ZMYM2: variants seen among roughly 807,000 people sequenced by gnomAD.
The protein encoded by ZMYM2 is zinc finger MYM-type protein 2.
A neutral mutation model predicts 162.8 loss-of-function variants in ZMYM2; 56 were observed. That is an observed-to-expected ratio of 0.34 (90% CI 0.28 to 0.43). The LOEUF is 0.43. ZMYM2 is among the 20% of genes least tolerant of loss of function. The pLI is 1.00. For synonymous variants in ZMYM2, 510 were observed against 541.6 expected, an observed-to-expected ratio of 0.94 and a Z score of 0.81; for missense variants, 1,275 against 1,621.8, an observed-to-expected ratio of 0.79 and a Z score of 3.67.
the ZMYM2 span, among the ~76,000 whole-genome samples, chr13:19,946,776 A>C: frequency 6.6e-6 from 1 of 152,224 alleles, no homozygotes; most frequent in Non-Finnish European, 1.5e-5. Context: ...TATGTTTATA[A>C]TAATGACTAA....
In ZMYM2 at chr13:20,036,778, G is replaced by A; in HGVS notation, c.2161G>A (p.Gly721Arg). 6.3e-7 allele frequency: 1 copy of A among 1,595,748 alleles called. No individual in the cohort carries two copies. The highest frequency in any genetic ancestry group is 8.5e-7 in the Non-Finnish European group (1 of 1,170,728). The change falls in exon 12 of 25, where the codon GGA becomes AGA. Residue 721 changes from glycine (G) to arginine (R), a missense_variant. By Grantham distance (125) the Gly-to-Arg change is moderately radical. Coordinates refer to ENST00000610343, the MANE Select transcript of ZMYM2 (RefSeq NM_197968.4). ...CAAACAGGATTTTGCCAGACGTTTA[G>A]GATTGAGATGTGTTACTTGCAACTA... Reference protein sequence around the residue: ...LYKQDFARRLGLRCVTCNYCS... With the variant: ...LYKQDFARRLRLRCVTCNYCS...
intron 2 of ZMYM2, among the ~76,000 whole-genome samples, chr13:19,991,644 A>G (rs1490516554): frequency 3.5e-4 from 32 of 91,964 alleles, no homozygotes; most frequent in Non-Finnish European, 6.7e-4. Context: ...TTTTTTTCCC[A>G]TTTTGAGACA....
intron 2 of ZMYM2, among the ~76,000 whole-genome samples, chr13:19,973,527 A>G (rs1267823839): frequency 1.3e-5 from 2 of 151,632 alleles, no homozygotes; most frequent in Non-Finnish European, 2.9e-5. Context: ...AAAAATTAGC[A>G]GGGCGTGGTG....
intron 17 of ZMYM2, among the ~76,000 whole-genome samples, chr13:20,062,497 TAC>T (rs1436024090): frequency 4.6e-5 from 7 of 152,304 alleles, no homozygotes; most frequent in African/African-American, 1.4e-4. Context: ...TATTGAAAAC[TAC>T]AGTTGTCTAC....
At chr13:19,932,567 G>A in the ZMYM2 span, among the ~76,000 whole-genome samples, 1 of 151,972 alleles carries the variant, frequency 6.6e-6, no homozygotes, top group Non-Finnish European at 1.5e-5. Flanking sequence ...AATTGCTTCA[G>A]CCTGGGAGGT....
At position 20,061,223 on chromosome 13, in the gene ZMYM2, C is replaced by G. The variant is rs748593159; in HGVS notation, c.2910C>G (p.Asn970Lys). 3.1e-6 allele frequency: 5 copies of G among 1,613,280 alleles called. No homozygotes were observed. Among genetic ancestry groups the G allele is most frequent in the Non-Finnish European group, 4.2e-6 (5 of 1,179,616 alleles). Reference protein sequence around the residue: ...DEGKTETTNINSVIIETDIIG... With the variant: ...DEGKTETTNIKSVIIETDIIG... Reference sequence around the variant, plus strand: ...GGAAAACAGAGACAACCAACATCAACAGTGAGCTACACTAAATTATACCTT... The same window carrying G: ...GGAAAACAGAGACAACCAACATCAAGAGTGAGCTACACTAAATTATACCTT... The change falls in exon 17 of 25, where the codon AAC becomes AAG. Residue 970 changes from asparagine (N) to lysine (K), a missense_variant and splice_region_variant. Asn to Lys is a moderately conservative substitution (Grantham distance 94). Coordinates refer to ENST00000610343, the MANE Select transcript of ZMYM2 (RefSeq NM_197968.4).
chr13:19,890,359 G>T, the ZMYM2 span, among the ~76,000 whole-genome samples: 1 of 151,348 alleles, frequency 6.6e-6, no homozygotes, highest in Non-Finnish European at 1.5e-5. Flanking sequence ...ATAGAGACAG[G>T]GTCTCACTTT....
intron 9 of ZMYM2, among the ~76,000 whole-genome samples, chr13:20,029,944 GC>G (rs1952933079): frequency 6.6e-6 from 1 of 151,610 alleles, no homozygotes; most frequent in Non-Finnish European, 1.5e-5. Context: ...ACAGGCACCT[GC>G]CACCATGCCT....
intron 10 of ZMYM2, among the ~76,000 whole-genome samples, chr13:20,033,353 A>G (rs1953375341): frequency 6.6e-6 from 1 of 152,122 alleles, no homozygotes; most frequent in African/African-American, 2.4e-5. Flanking sequence ...AGACACTGCC[A>G]CACTGAATGA....
chr13:20,008,988 A>G (rs928411596), intron 6 of ZMYM2, among the ~76,000 whole-genome samples: 2 of 152,188 alleles, frequency 1.3e-5, no homozygotes, highest in African/African-American at 4.8e-5. Flanking sequence ...TTGAAAAATC[A>G]GGTCTTCAAA....
In ZMYM2 at chr13:20,039,599, G is replaced by A. The variant is rs576567404; in HGVS notation, c.2292+2690G>A. Among the ~76,000 whole-genome samples, 15 of 150,622 alleles carry A rather than the reference G, an allele frequency of 1.0e-4. No individual in the cohort carries two copies. The East Asian group carries it at 2.8e-3, about 28-fold the overall frequency. ...CGTCATTCTCCTGCCTCACCCTCCC[G>A]AGTAGCTGGGACTGCAGGCGCCCGC... On this transcript the variant is annotated intron_variant, in intron 12 of 24. Coordinates refer to ENST00000610343, the MANE Select transcript of ZMYM2 (RefSeq NM_197968.4).
Position 20,005,201 on chromosome 13 carries a change from A to C in ZMYM2, c.1261A>C (p.Asn421His). ...DKQNPTKGALNKSRCTICGKL... is the reference protein window; with the variant it reads ...DKQNPTKGALHKSRCTICGKL... ...ACAGAATCCTACTAAAGGAGCTCTA[A>C]ATAAATCAAGATGTACAATCTGTGG... is the stretch of plus-strand genomic sequence containing the variant. The change falls in exon 5 of 25, where the codon AAT (asparagine) becomes CAT (histidine). Residue 421 changes from asparagine (N) to histidine (H), a missense_variant. Around this residue, in one of 10 missense-constraint regions of ZMYM2, gnomAD observed 276 missense variants for 311.8 expected, o/e 0.89. Coordinates refer to ENST00000610343, the MANE Select transcript of ZMYM2 (RefSeq NM_197968.4). 3.8e-6 allele frequency: 6 copies of C among 1,583,474 alleles called. No individual in the cohort carries two copies. Among genetic ancestry groups the C allele is most frequent in the Non-Finnish European group, 5.1e-6 (6 of 1,170,372 alleles).
the ZMYM2 span, among the ~76,000 whole-genome samples, chr13:19,886,166 T>C: frequency 5.3e-5 from 7 of 133,008 alleles, no homozygotes; most frequent in African/African-American, 8.8e-5. Context: ...TTCTTTCTTT[T>C]TTTTTTTTTT....
chr13:19,908,540 C>T, the ZMYM2 span, among the ~76,000 whole-genome samples: 1 of 152,170 alleles, frequency 6.6e-6, no homozygotes, highest in African/African-American at 2.4e-5. Context: ...TAGGTATAGT[C>T]AGCCTGCTTC....
chr13:19,890,176 G>A, the ZMYM2 span, among the ~76,000 whole-genome samples: 7 of 151,804 alleles, frequency 4.6e-5, no homozygotes, highest in East Asian at 7.7e-4. Flanking sequence ...TGTTTTGTTC[G>A]TTTGTTTTTG....
chr13:20,084,344 A>T (rs1366864638), intron 24 of ZMYM2, among the ~76,000 whole-genome samples: 1 of 152,238 alleles, frequency 6.6e-6, no homozygotes, highest in African/African-American at 2.4e-5. Context: ...TTCCAATGAC[A>T]GCAAAGCAAG....
At chr13:19,906,806 C>G in the ZMYM2 span, among the ~76,000 whole-genome samples, 1 of 152,258 alleles carries the variant, frequency 6.6e-6, no homozygotes, top group African/African-American at 2.4e-5. Context: ...AGCAATCCTC[C>G]CACCTTCCCC....
At chr13:19,948,246 G>A in the ZMYM2 span, among the ~76,000 whole-genome samples, 1 of 152,124 alleles carries the variant, frequency 6.6e-6, no homozygotes, top group Non-Finnish European at 1.5e-5. Flanking sequence ...CGCTCTCCTT[G>A]GCATTTGCCC....
chr13:19,988,188 T>C (rs539033121), intron 2 of ZMYM2, among the ~76,000 whole-genome samples: 34 of 152,354 alleles, frequency 2.2e-4, no homozygotes, highest in Non-Finnish European at 4.0e-4. Flanking sequence ...AATAAGACCT[T>C]GGTATTCTGT....
Sources: allele counts gnomAD v4.1 joint callset (sites outside exome capture counted in the v4.1 genomes callset), GRCh38; gene constraint gnomAD v4.1.1; regional missense constraint gnomAD v4.1.1; transcripts MANE v1.5; gene names NCBI Gene and HGNC (gene_info 2026-07-23, HGNC 2026-07-21).